RASGRF1: variants seen among roughly 807,000 people sequenced by gnomAD.
The protein encoded by RASGRF1 is ras-specific guanine nucleotide-releasing factor 1.
Under a neutral mutation model 138.7 loss-of-function variants are expected in RASGRF1, and 40 were observed. The observed-to-expected ratio is 0.29, with a 90% CI of 0.22 to 0.38. The LOEUF (loss-of-function observed/expected upper bound fraction) is 0.38, where lower values mean the gene tolerates loss of function less well. RASGRF1 is among the 10% of genes least tolerant of loss of function. The probability of loss-of-function intolerance (pLI) is 1.00; values close to 1 mark genes in which losing one functional copy is unlikely to be tolerated. For missense variants in RASGRF1, 1,108 were observed against 1,650.4 expected, an observed-to-expected ratio of 0.67 and a Z score of 5.69; for synonymous variants, 614 against 663.2, an observed-to-expected ratio of 0.93 and a Z score of 1.14.
chr15:79,044,471 C>A (rs987264788), intron 5 of RASGRF1, among the ~76,000 whole-genome samples: 1 of 152,164 alleles, frequency 6.6e-6, no homozygotes, highest in Non-Finnish European at 1.5e-5. Flanking sequence ...GTGAACCCAG[C>A]ACGCAGGGAG....
At position 78,971,951 on chromosome 15, in the gene RASGRF1, G is replaced by C. The variant is rs2055769817; in HGVS notation, c.3613-17C>G. On this transcript the variant is annotated splice_polypyrimidine_tract_variant and intron_variant, in intron 25 of 26. Coordinates refer to ENST00000558480, the MANE Select transcript of RASGRF1 (RefSeq NM_001145648.3). The stretch of plus-strand genomic sequence containing the variant: ...ATGGGATATCTGTGGGAAGGAAGGA[G>C]TGTTTCAGAATGCAGTTTGCTCTCC... 2 of 1,562,064 alleles carry C rather than the reference G, an allele frequency of 1.3e-6. No homozygotes were observed. Among genetic ancestry groups the C allele is most frequent in the South Asian group, 1.1e-5 (1 of 89,958 alleles).
intron 15 of RASGRF1, among the ~76,000 whole-genome samples, chr15:79,003,426 CTCCCGGGCCCTGAATGGGCCTG>C (rs1292301278): frequency 6.6e-6 from 1 of 152,250 alleles, no homozygotes; most frequent in African/African-American, 2.4e-5. Flanking sequence ...GACCTCTTCT[CTCCCGGGCCCTGAATGGGCCTG>C]GCCCAGGCCC....
intron 12 of RASGRF1, among the ~76,000 whole-genome samples, chr15:79,015,837 C>T (rs916165839): frequency 4.6e-5 from 7 of 152,176 alleles, no homozygotes; most frequent in African/African-American, 1.7e-4. Context: ...AGGGCCTCTG[C>T]GCCACTGCAC....
chr15:79,084,069 C>A (rs1007245740), intron 1 of RASGRF1, among the ~76,000 whole-genome samples: 3 of 152,208 alleles, frequency 2.0e-5, no homozygotes, highest in African/African-American at 7.2e-5. Context: ...GATAAAATCT[C>A]ATGTGGAAAC....
chr15:78,990,146 A>G (rs546002300), intron 22 of RASGRF1, 43 bp downstream of exon 22: 1 of 1,473,006 alleles, frequency 6.8e-7, no homozygotes, highest in Admixed American at 1.7e-5. Flanking sequence ...GCGTCTTGCC[A>G]AAGAAAAACC....
chr15:79,049,472 G>C (rs756587309), intron 4 of RASGRF1, 24 bp downstream of exon 4: 33 of 1,608,776 alleles, frequency 2.1e-5, no homozygotes, highest in Admixed American at 1.0e-4. Flanking sequence ...TCCAAAGAAG[G>C]CCACCCAGAG....
At chr15:79,004,836 T>C (rs1203279546) in intron 14 of RASGRF1, 3 of 985,268 alleles carry the variant, frequency 3.0e-6, no homozygotes, top group Non-Finnish European at 2.4e-6. Context: ...CAGGATAGGA[T>C]TGATCTTTTA....
At chr15:79,075,251 G>T (rs1341895301) in intron 1 of RASGRF1, among the ~76,000 whole-genome samples, 1 of 152,186 alleles carries the variant, frequency 6.6e-6, no homozygotes, top group South Asian at 2.1e-4. Context: ...CACAGGCAGG[G>T]ATTCAGAAAT....
intron 20 of RASGRF1, among the ~76,000 whole-genome samples, chr15:78,992,931 G>A (rs948143808): frequency 5.9e-5 from 9 of 152,180 alleles, no homozygotes; most frequent in East Asian, 1.9e-4. Flanking sequence ...GGTTCCTGAC[G>A]TCAGGGATCT....
At chr15:79,035,385 C>G (rs1490188627) in intron 5 of RASGRF1, among the ~76,000 whole-genome samples, 175 bp from the exon 6 acceptor site, 1 of 152,222 alleles carries the variant, frequency 6.6e-6, no homozygotes, top group Non-Finnish European at 1.5e-5. Flanking sequence ...CCTGGTGGTG[C>G]TAAATGAGAA....
At chr15:78,992,484 A>G (rs578211853) in intron 20 of RASGRF1, among the ~76,000 whole-genome samples, 1 of 152,200 alleles carries the variant, frequency 6.6e-6, no homozygotes, top group Admixed American at 6.5e-5. Flanking sequence ...GGACATAGGG[A>G]GGCCAGTGTA....
At chr15:78,970,119 A>G (rs1023042026) in intron 26 of RASGRF1, among the ~76,000 whole-genome samples, 2 of 152,236 alleles carry the variant, frequency 1.3e-5, no homozygotes, top group Non-Finnish European at 2.9e-5. Flanking sequence ...GAAAAACAAT[A>G]AAAGCTTGAT....
At chr15:78,984,949 C>T (rs1322449116) in intron 23 of RASGRF1, 58 bp downstream of exon 23, 12 of 1,561,574 alleles carry the variant, frequency 7.7e-6, no homozygotes, top group Admixed American at 5.1e-5. Context: ...CACGGGTCTT[C>T]CTGCCCTAGC....
chr15:79,076,489 G>A (rs991923696), intron 1 of RASGRF1, among the ~76,000 whole-genome samples: 3 of 152,242 alleles, frequency 2.0e-5, no homozygotes, highest in African/African-American at 4.8e-5. Flanking sequence ...TGGAGCAGCA[G>A]TGGACATGCA....
chr15:78,989,087 A>C (rs1276028888), intron 22 of RASGRF1, among the ~76,000 whole-genome samples: 1 of 152,182 alleles, frequency 6.6e-6, no homozygotes, highest in African/African-American at 2.4e-5. Context: ...GGATATTCTT[A>C]TTAAAGAACA....
intron 22 of RASGRF1, 169 bp from the exon 23 acceptor site, chr15:78,985,373 T>C (rs1196113332): frequency 1.5e-6 from 1 of 665,200 alleles, no homozygotes; most frequent in African/African-American, 1.8e-5. Context: ...AGGTTCAATA[T>C]ACAAAAATGA....
At chr15:79,072,338 T>C (rs2057772050) in intron 1 of RASGRF1, among the ~76,000 whole-genome samples, 2 of 130,768 alleles carry the variant, frequency 1.5e-5, no homozygotes, top group African/African-American at 2.7e-5. Flanking sequence ...TGCAGTGGCA[T>C]GATCTTAGCT....
rs1035812893 is a variant in RASGRF1 at position 79,058,424 on chromosome 15, C to T, written c.441G>A (p.Leu147=). 1.2e-6 allele frequency: 2 copies of T among 1,614,230 alleles called. No individual in the cohort carries two copies. The highest frequency in any genetic ancestry group is 1.3e-5 in the African/African-American group (1 of 75,076). ...EALMQKYLHL[L]QIVETEKTVA... is the part of the protein sequence containing the mutation. Reference sequence around the variant, plus strand: ...CGGTCTTCTCTGTCTCCACGATCTGCAGCAGGTGCAGGTATTTCTGCATTA... The same window carrying T: ...CGGTCTTCTCTGTCTCCACGATCTGTAGCAGGTGCAGGTATTTCTGCATTA... Residue 147 remains leucine, a synonymous_variant, in exon 3 of 27, where the codon CTG becomes CTA. Transcript: ENST00000558480.
intron 6 of RASGRF1, among the ~76,000 whole-genome samples, chr15:79,033,651 G>A (rs2057176739): frequency 8.1e-6 from 1 of 123,402 alleles, no homozygotes; most frequent in African/African-American, 3.1e-5. Flanking sequence ...GTGCAGTAGT[G>A]AGATCTCGGC....
Sources: allele counts gnomAD v4.1 joint callset (sites outside exome capture counted in the v4.1 genomes callset), GRCh38; gene constraint gnomAD v4.1.1; transcripts MANE v1.5; gene names NCBI Gene and HGNC (gene_info 2026-07-23, HGNC 2026-07-21).